Variants in CHD6 observed in about 807,000 individuals in gnomAD.
CHD6 encodes chromodomain helicase DNA binding protein 6.
In CHD6, 50 loss-of-function variants were observed where a neutral mutation model predicts 276.9. The ratio of observed to expected loss-of-function variants is 0.18; its 90% CI spans 0.14 to 0.23. The LOEUF (loss-of-function observed/expected upper bound fraction) is 0.23, where lower values mean the gene tolerates loss of function less well. CHD6 is among the 10% of genes least tolerant of loss of function. The pLI is 1.00. For synonymous variants in CHD6, 1,173 were observed against 1,229.3 expected (o/e 0.95, Z 0.96); for missense variants, 2,564 against 3,365.8 (o/e 0.76, Z 5.89).
At chr20:41,525,072 T>C (rs2044494838) in intron 3 of CHD6, among the ~76,000 whole-genome samples, 1 of 152,316 alleles carries the variant, frequency 6.6e-6, no homozygotes, top group East Asian at 1.9e-4. Context: ...GGCTCTCCTC[T>C]GCTGCCGAGT....
intron 36 of CHD6, among the ~76,000 whole-genome samples, chr20:41,406,148 C>T (rs1246050921): frequency 6.6e-6 from 1 of 152,150 alleles, no homozygotes; most frequent in Non-Finnish European, 1.5e-5. Context: ...TGCCCCACTC[C>T]TCTCTGAATA....
intron 27 of CHD6, among the ~76,000 whole-genome samples, chr20:41,428,348 C>T (rs1422251944): frequency 6.6e-6 from 1 of 152,178 alleles, no homozygotes; most frequent in Non-Finnish European, 1.5e-5. Flanking sequence ...GGTGCTGTAG[C>T]AGTGACAGTC....
rs1214244692 is a variant in CHD6 at position 41,479,881 on chromosome 20, A to G, written c.2468+3428T>C. On this transcript the variant is annotated intron_variant, in intron 16 of 36. Transcript: ENST00000373233. The stretch of plus-strand genomic sequence containing the variant: ...GACTGGGGACAAAGAGAATACATAA[A>G]AACTTCTAAAAAGAACAAACATAAC... Among the ~76,000 whole-genome samples, 8 of 152,310 alleles carry G rather than the reference A, an allele frequency of 5.3e-5. No individual in the cohort carries two copies. In the East Asian group the frequency reaches 1.5e-3, roughly 29 times the overall value.
rs2044090888 is a variant in CHD6, at chr20:41,510,429, CT to C, written c.852+2416del. Among the ~76,000 whole-genome samples, 3 of 152,358 alleles carry C rather than the reference CT, an allele frequency of 2.0e-5. No individual in the cohort carries two copies. The South Asian group carries it at 6.2e-4, about 32-fold the overall frequency. On this transcript the variant is annotated intron_variant, in intron 5 of 36. Transcript: ENST00000373233. ...CTGGTTGTGTAGCCTGCCCTGCATG[CT>C]AGGCCAGGCCTTGGCTCGGAGGCCA...
intron 1 of CHD6, among the ~76,000 whole-genome samples, chr20:41,589,414 G>A (rs1314947354): frequency 1.3e-5 from 2 of 152,194 alleles, no homozygotes; most frequent in Admixed American, 6.5e-5. Context: ...ATTAGGAAAA[G>A]AGGAAGTCAA....
intron 3 of CHD6, among the ~76,000 whole-genome samples, chr20:41,530,358 G>C (rs1335421364): frequency 6.6e-6 from 1 of 152,320 alleles, no homozygotes; most frequent in Middle Eastern, 3.4e-3. Context: ...AAGATGGACT[G>C]AGGGAGGAAA....
At chr20:41,446,065 T>C (rs961545902) in intron 24 of CHD6, among the ~76,000 whole-genome samples, 2 of 152,186 alleles carry the variant, frequency 1.3e-5, no homozygotes, top group African/African-American at 4.8e-5. Context: ...GATCCATATG[T>C]ATAGAGTTCT....
rs148405644 is a variant in CHD6 at position 41,591,625 on chromosome 20, G to A, written c.-24+26715C>T. Among the ~76,000 whole-genome samples the A allele has an allele frequency of 6.4e-3, 977 of 152,052 alleles. 11 individuals carry two copies. Among genetic ancestry groups the A allele is most frequent in the Middle Eastern group, 0.024 (7 of 294 alleles). ...GGAGAATCACTTGAACCCGGGAGGC[G>A]GAGGTTGTGGTAAGCCAAGATTGCA... On this transcript the variant is annotated intron_variant, in intron 1 of 36. Transcript: ENST00000373233.
At chr20:41,559,691 C>G (rs1197512508) in intron 1 of CHD6, among the ~76,000 whole-genome samples, 1 of 152,142 alleles carries the variant, frequency 6.6e-6, no homozygotes, top group African/African-American at 2.4e-5. Flanking sequence ...GTTTTCTACT[C>G]AACTCCCAAA....
At chr20:41,554,535 C>T (rs555396474) in intron 1 of CHD6, among the ~76,000 whole-genome samples, 59 of 151,498 alleles carry the variant, frequency 3.9e-4, no homozygotes, top group South Asian at 1.5e-3. Flanking sequence ...GAGGACCCTG[C>T]GGCCTTCCGC....
chr20:41,418,157 G>A lies in CHD6; in HGVS notation c.6128-808C>T, dbSNP rs139160157. Among the ~76,000 whole-genome samples the A allele has an allele frequency of 3.9e-3, 594 of 152,320 alleles. 3 individuals are homozygous for A. Among genetic ancestry groups the A allele is most frequent in the Non-Finnish European group, 6.0e-3 (406 of 68,028 alleles). Reference sequence around the variant, plus strand: ...GAAAAACAGGGCCTTGCTAGGCCTGGTAGACTCAGGATAAGCCAGACAGAT... The same window carrying A: ...GAAAAACAGGGCCTTGCTAGGCCTGATAGACTCAGGATAAGCCAGACAGAT... On this transcript the variant is annotated intron_variant, in intron 31 of 36. Transcript: ENST00000373233.
In CHD6 at chr20:41,451,125, T is replaced by A. The variant is rs369371446; in HGVS notation, c.3524-20A>T. The A allele has an allele frequency of 1.9e-6, 3 of 1,610,556 alleles. No homozygotes were observed. Among genetic ancestry groups the A allele is most frequent in the Non-Finnish European group, 2.5e-6 (3 of 1,177,658 alleles). On this transcript the variant is annotated intron_variant, in intron 22 of 36. Transcript: ENST00000373233. ...ATAAGCCTGAAACAGAAAGACAGCATAGGGCAAGTGGATAGCCAAGGGGGG... is the reference window on the plus strand; with the variant it reads ...ATAAGCCTGAAACAGAAAGACAGCAAAGGGCAAGTGGATAGCCAAGGGGGG...
intron 19 of CHD6, 63 bp from the exon 20 acceptor site, chr20:41,454,799 G>T: frequency 8.8e-7 from 1 of 1,132,300 alleles, no homozygotes; most frequent in Non-Finnish European, 1.3e-6. Context: ...TAAAACACCA[G>T]TGTTACTTCA....
chr20:41,556,056 C>T (rs1190075962), intron 1 of CHD6, among the ~76,000 whole-genome samples: 7 of 152,230 alleles, frequency 4.6e-5, no homozygotes, highest in Non-Finnish European at 1.0e-4. Flanking sequence ...TGGAGACCAG[C>T]CCGGCCAACA....
chr20:41,595,148 G>A (rs1457448962), intron 1 of CHD6, among the ~76,000 whole-genome samples: 4 of 152,112 alleles, frequency 2.6e-5, no homozygotes, highest in East Asian at 3.9e-4. Flanking sequence ...CTGGTGTGAC[G>A]AATAAACCCA....
chr20:41,450,311 C>T (rs2048197342), intron 23 of CHD6, among the ~76,000 whole-genome samples: 2 of 152,148 alleles, frequency 1.3e-5, no homozygotes, highest in Non-Finnish European at 2.9e-5. Context: ...CTTGCATGAC[C>T]TTGACATGAA....
At chr20:41,488,884 T>G (rs1042374573) in intron 12 of CHD6, among the ~76,000 whole-genome samples, 7 of 152,228 alleles carry the variant, frequency 4.6e-5, no homozygotes. Flanking sequence ...TTTTTATTTA[T>G]TAGCTGTCAT....
At chr20:41,547,831 A>G (rs1192646995) in intron 2 of CHD6, 2 of 462,988 alleles carry the variant, frequency 4.3e-6, no homozygotes, top group Non-Finnish European at 8.5e-6. Flanking sequence ...GGGACTGACT[A>G]CTGCCCAGTC....
In CHD6 at chr20:41,485,287, C is replaced by A. The variant is rs1444737758; in HGVS notation, c.2002-680G>T. ...GCACCAGCAAGGTGACTTGTTCCCCCTCCCAGTGAGACAATGACAGACTGA... is the reference window on the plus strand; with the variant it reads ...GCACCAGCAAGGTGACTTGTTCCCCATCCCAGTGAGACAATGACAGACTGA... On this transcript the variant is annotated intron_variant, in intron 14 of 36. Coordinates refer to ENST00000373233, the MANE Select transcript of CHD6 (RefSeq NM_032221.5). Among the ~76,000 whole-genome samples, 5 of 151,878 alleles carry A rather than the reference C, an allele frequency of 3.3e-5. No individual in the cohort carries two copies. In the East Asian group the frequency reaches 9.6e-4, roughly 29 times the overall value.
Sources: gnomAD v4.1 joint callset for allele counts (sites outside exome capture counted in the v4.1 genomes callset) on GRCh38, gnomAD v4.1.1 for gene constraint, MANE v1.5 for transcripts, NCBI Gene and HGNC (gene_info 2026-07-23, HGNC 2026-07-21) for gene names.